The following GJB7 variants were observed in gnomAD, a reference collection of about 807,000 sequenced individuals.
The protein encoded by GJB7 is gap junction protein beta 7, also known as gap junction beta-7 protein.
For missense variants in GJB7, 253 were observed against 256.8 expected (o/e 0.99, Z 0.10); for synonymous variants, 87 against 95.2 (o/e 0.91, Z 0.50).
intron 2 of GJB7, among the ~76,000 whole-genome samples, chr6:87,298,449 A>G (rs950492128): frequency 6.6e-5 from 10 of 152,232 alleles, no homozygotes; most frequent in Admixed American, 2.0e-4. Flanking sequence ...GTGTTTGCCA[A>G]CGTAAAGAAG....
intron 2 of GJB7, among the ~76,000 whole-genome samples, chr6:87,305,346 A>G (rs890329247): frequency 1.3e-5 from 2 of 152,174 alleles, no homozygotes; most frequent in Non-Finnish European, 2.9e-5. Flanking sequence ...TACAAAATCA[A>G]TGTGCAAAAA....
chr6:87,307,808 G>A (rs915594535), intron 2 of GJB7, among the ~76,000 whole-genome samples: 3 of 152,190 alleles, frequency 2.0e-5, no homozygotes, highest in Non-Finnish European at 4.4e-5. Flanking sequence ...CACTGTGGAA[G>A]ACAGTGTGGC....
chr6:87,318,346 T>C (rs955342212), intron 2 of GJB7, among the ~76,000 whole-genome samples: 1 of 152,178 alleles, frequency 6.6e-6, no homozygotes, highest in Non-Finnish European at 1.5e-5. Flanking sequence ...TCAGTTTCTA[T>C]TGGCACCATA....
intron 1 of GJB7, among the ~76,000 whole-genome samples, chr6:87,325,500 C>T (rs1424497270): frequency 2.2e-5 from 2 of 89,744 alleles, no homozygotes; most frequent in Non-Finnish European, 4.8e-5. Flanking sequence ...TTGTCAAAGG[C>T]CTGTCTGCAT....
intron 2 of GJB7, among the ~76,000 whole-genome samples, chr6:87,306,856 T>G (rs1776436094): frequency 1.3e-5 from 2 of 152,210 alleles, no homozygotes; most frequent in Admixed American, 1.3e-4. Flanking sequence ...TAAAAAATGA[T>G]GAGTTCATGT....
chr6:87,284,225 T>A lies in GJB7; in HGVS notation c.*16A>T. 6.2e-7 allele frequency: 1 copy of A among 1,602,572 alleles called. No homozygotes were observed. Among genetic ancestry groups the A allele is most frequent in the Non-Finnish European group, 8.5e-7 (1 of 1,172,800 alleles). On this transcript the variant is annotated 3_prime_UTR_variant, in exon 3 of 3. Transcript: ENST00000525899. ...TCCCTCTCCTACCACATTCAACATA[T>A]CTGAGGCTGTGGCACTCACACACTG...
chr6:87,295,788 G>A (rs923130882), intron 2 of GJB7, among the ~76,000 whole-genome samples: 33 of 152,156 alleles, frequency 2.2e-4, no homozygotes, highest in African/African-American at 7.5e-4. Context: ...CCCAGAAATT[G>A]AAGGGCTCAT....
At chr6:87,305,839 A>T (rs1278017106) in intron 2 of GJB7, among the ~76,000 whole-genome samples, 1 of 152,228 alleles carries the variant, frequency 6.6e-6, no homozygotes, top group South Asian at 2.1e-4. Context: ...ATATAGACCA[A>T]TGGAAAAGAA....
Position 87,287,807 on chromosome 6 carries a change from CAAAA to C in GJB7, c.-27-2872_-27-2869del, listed in dbSNP as rs973020621. On this transcript the variant is annotated intron_variant, in intron 2 of 2. Coordinates refer to ENST00000525899, the MANE Select transcript of GJB7 (RefSeq NM_198568.3). ...GACTGTGTTGCTAAAAGAAAGGCAACAAAAAAAAAGTGACTGATCTTTGAATATA... is the reference window on the plus strand; with the variant it reads ...GACTGTGTTGCTAAAAGAAAGGCAACAAAAAGTGACTGATCTTTGAATATA... 7.3e-5 allele frequency among the ~76,000 whole-genome samples: 11 copies of C among 149,912 alleles called. No individual in the cohort carries two copies. The East Asian group carries it at 1.9e-3, about 26-fold the overall frequency.
rs1776015222 is a variant in GJB7, at chr6:87,284,023, T to A, written c.*218A>T. 3.8e-6 allele frequency: 2 copies of A among 522,338 alleles called. No homozygotes were observed. The highest frequency in any genetic ancestry group is 5.0e-4 in the Middle Eastern group (1 of 1,998). 32.4% of individuals were successfully genotyped at this position (522,338 alleles called of 1,614,324 possible). On this transcript the variant is annotated 3_prime_UTR_variant, in exon 3 of 3. Coordinates refer to ENST00000525899, the MANE Select transcript of GJB7 (RefSeq NM_198568.3). Reference sequence around the variant, plus strand: ...AAAGCATATTGACAATGTAAAAAAATTCCTCCCAAATGATACTAAGGCTGA... The same window carrying A: ...AAAGCATATTGACAATGTAAAAAAAATCCTCCCAAATGATACTAAGGCTGA...
At chr6:87,307,170 A>G (rs2127905958) in intron 2 of GJB7, among the ~76,000 whole-genome samples, 1 of 151,778 alleles carries the variant, frequency 6.6e-6, no homozygotes, top group South Asian at 2.1e-4. Flanking sequence ...AACTTAAAGT[A>G]TAATAATAAA....
intron 2 of GJB7, among the ~76,000 whole-genome samples, chr6:87,294,037 C>G (rs1392941465): frequency 6.6e-6 from 1 of 152,188 alleles, no homozygotes; most frequent in East Asian, 1.9e-4. Flanking sequence ...TTTAATTCTT[C>G]CACCTCCATC....
rs1465134001 is a variant in GJB7 at position 87,322,924 on chromosome 6, T to C, written c.-86A>G. On this transcript the variant is annotated 5_prime_UTR_variant, in exon 2 of 3. Coordinates refer to ENST00000525899, the MANE Select transcript of GJB7 (RefSeq NM_198568.3). Reference sequence around the variant, plus strand: ...ATGGACACCCCCACCCCGAGAACTCTCTCGTTTCCTGCAGTTTCTTAGTGT... The same window carrying C: ...ATGGACACCCCCACCCCGAGAACTCCCTCGTTTCCTGCAGTTTCTTAGTGT... 6.6e-6 allele frequency: 1 copy of C among 152,256 alleles called. No individual in the cohort carries two copies. Among genetic ancestry groups the C allele is most frequent in the Non-Finnish European group, 1.5e-5 (1 of 68,124 alleles). 9.4% of individuals were successfully genotyped at this position (152,256 alleles called of 1,614,324 possible).
chr6:87,292,370 C>G (rs1473127910), intron 2 of GJB7, among the ~76,000 whole-genome samples: 1 of 152,160 alleles, frequency 6.6e-6, no homozygotes, highest in Non-Finnish European at 1.5e-5. Flanking sequence ...CTTTGATGAG[C>G]TTAATTTAAC....
At chr6:87,319,692 G>C (rs1776629152) in intron 2 of GJB7, among the ~76,000 whole-genome samples, 1 of 152,086 alleles carries the variant, frequency 6.6e-6, no homozygotes, top group African/African-American at 2.4e-5. Flanking sequence ...CTAAAAGAAA[G>C]GAAATCAACA....
intron 2 of GJB7, chr6:87,300,597 T>C (rs554684668): frequency 1.1e-3 from 172 of 153,472 alleles, no homozygotes; most frequent in Middle Eastern, 6.8e-3. Context: ...CTGGTTTCAG[T>C]TGACAATATA....
intron 2 of GJB7, among the ~76,000 whole-genome samples, chr6:87,313,541 T>G (rs1218497036): frequency 6.6e-6 from 1 of 152,188 alleles, no homozygotes; most frequent in Non-Finnish European, 1.5e-5. Context: ...TCCATAAAGA[T>G]TTATTATTAA....
intron 2 of GJB7, among the ~76,000 whole-genome samples, chr6:87,318,213 A>C (rs1186940357): frequency 6.6e-6 from 1 of 151,772 alleles, no homozygotes; most frequent in Non-Finnish European, 1.5e-5. Flanking sequence ...AGACAGCTAT[A>C]CAGTTTTCAA....
chr6:87,304,177 G>C (rs1442254468), intron 2 of GJB7, among the ~76,000 whole-genome samples: 3 of 152,142 alleles, frequency 2.0e-5, no homozygotes, highest in Non-Finnish European at 4.4e-5. Context: ...ACGAAGATCA[G>C]AGGAGAACTG....
Sources: allele counts gnomAD v4.1 joint callset (sites outside exome capture counted in the v4.1 genomes callset), GRCh38; gene constraint gnomAD v4.1.1; transcripts MANE v1.5; gene names NCBI Gene and HGNC (gene_info 2026-07-23, HGNC 2026-07-21).